The following PTPN3 variants were observed in gnomAD, a reference collection of about 807,000 sequenced individuals.
The protein encoded by PTPN3 is protein tyrosine phosphatase non-receptor type 3, also known as tyrosine-protein phosphatase non-receptor type 3.
A neutral mutation model predicts 132.7 loss-of-function variants in PTPN3; 96 were observed. The ratio of observed to expected loss-of-function variants is 0.72; its 90% CI spans 0.61 to 0.86. PTPN3 has a LOEUF of 0.86. Ranked by LOEUF, PTPN3 falls within the 40% of genes least tolerant of loss-of-function variation. PTPN3 has a pLI of 0.00. For missense variants in PTPN3, 1,125 were observed against 1,159.6 expected, an observed-to-expected ratio of 0.97 and a Z score of 0.43; for synonymous variants, 398 against 429.0, an observed-to-expected ratio of 0.93 and a Z score of 0.89.
At chr9:109,534,779 A>C in the PTPN3 span, among the ~76,000 whole-genome samples, 1 of 151,820 alleles carries the variant, frequency 6.6e-6, no homozygotes, top group Non-Finnish European at 1.5e-5. Context: ...TCCAGCCCGG[A>C]AGACAAGAGC....
intron 17 of PTPN3, among the ~76,000 whole-genome samples, chr9:109,407,134 A>G (rs540545919): frequency 1.9e-4 from 29 of 152,380 alleles, no homozygotes; most frequent in Admixed American, 5.9e-4. Context: ...TTAAATGACA[A>G]GAGCTTAAGG....
At chr9:109,414,318 G>C (rs377741301) in intron 14 of PTPN3, among the ~76,000 whole-genome samples, 7 of 152,208 alleles carry the variant, frequency 4.6e-5, no homozygotes, top group African/African-American at 1.7e-4. Flanking sequence ...AGTATGATTC[G>C]GCAGGCCTGT....
At position 109,399,923 on chromosome 9, in the gene PTPN3, C is replaced by T. The variant is rs1362388498; in HGVS notation, c.1953+4525G>A. ...ACTAGACGACCCAGAGCTCCAAACC[C>T]AGCACAACACAGTTACCTTTTTTTT... On this transcript the variant is annotated intron_variant, in intron 19 of 25. Transcript: ENST00000374541. 2.0e-5 allele frequency among the ~76,000 whole-genome samples: 3 copies of T among 151,674 alleles called. No individual in the cohort carries two copies. The East Asian group carries it at 5.8e-4, about 29-fold the overall frequency.
intron 5 of PTPN3, chr9:109,450,165 T>C (rs941635331): frequency 1.0e-6 from 1 of 984,774 alleles, no homozygotes; most frequent in Non-Finnish European, 1.2e-6. Flanking sequence ...ATTATTACTT[T>C]GATTATAATT....
chr9:109,493,191 C>A (rs976743046), intron 1 of PTPN3, among the ~76,000 whole-genome samples: 4 of 152,092 alleles, frequency 2.6e-5, no homozygotes, highest in African/African-American at 9.7e-5. Flanking sequence ...TCAGTTGAGC[C>A]GAGGAATTCA....
At chr9:109,414,734 G>A (rs1842341027) in intron 14 of PTPN3, among the ~76,000 whole-genome samples, 1 of 152,160 alleles carries the variant, frequency 6.6e-6, no homozygotes, top group African/African-American at 2.4e-5. Context: ...ACACCTCACT[G>A]GCAAGAAAGC....
intron 7 of PTPN3, 43 bp downstream of exon 7, chr9:109,445,197 A>G: frequency 6.3e-7 from 1 of 1,583,204 alleles, no homozygotes; most frequent in Non-Finnish European, 8.7e-7. Context: ...CACACTGATC[A>G]GAACAACCTG....
the PTPN3 span, among the ~76,000 whole-genome samples, chr9:109,511,251 G>A: frequency 1.3e-5 from 2 of 152,120 alleles, no homozygotes; most frequent in African/African-American, 4.8e-5. Flanking sequence ...AGCCATGGAC[G>A]TGCTTAGCAA....
intron 22 of PTPN3, among the ~76,000 whole-genome samples, chr9:109,386,293 G>A (rs933253305): frequency 6.6e-6 from 1 of 152,190 alleles, no homozygotes; most frequent in African/African-American, 2.4e-5. Context: ...TGCCAAAGAA[G>A]GAGAGAGAGC....
intron 2 of PTPN3, 120 bp downstream of exon 2, chr9:109,463,177 C>T: frequency 9.2e-7 from 1 of 1,081,480 alleles, no homozygotes. Flanking sequence ...CATACAAGAT[C>T]TGAGATCTCA....
chr9:109,525,559 A>C, the PTPN3 span, among the ~76,000 whole-genome samples: 1 of 152,192 alleles, frequency 6.6e-6, no homozygotes, highest in African/African-American at 2.4e-5. Context: ...ATTTTAAAAG[A>C]GTCCTCCCAT....
At chr9:109,403,567 T>C (rs1841320580) in intron 19 of PTPN3, among the ~76,000 whole-genome samples, 1 of 152,182 alleles carries the variant, frequency 6.6e-6, no homozygotes, top group African/African-American at 2.4e-5. Context: ...GGGCTGGGTG[T>C]GGTGGCTCAC....
the PTPN3 span, chr9:109,534,234 G>A: frequency 1.4e-6 from 2 of 1,444,636 alleles, no homozygotes; most frequent in Non-Finnish European, 1.9e-6. Context: ...TTCCTGTGCC[G>A]CTGCCCGTAG....
chr9:109,433,469 C>A (rs565271816), intron 9 of PTPN3, among the ~76,000 whole-genome samples: 12 of 152,330 alleles, frequency 7.9e-5, no homozygotes, highest in African/African-American at 2.9e-4. Flanking sequence ...AAATTTTCAA[C>A]AATCAGCACT....
intron 24 of PTPN3, 150 bp from the exon 25 acceptor site, chr9:109,381,937 G>T: frequency 1.1e-6 from 1 of 935,332 alleles, no homozygotes; most frequent in South Asian, 1.6e-5. Context: ...TCTCAAACAG[G>T]CTGAGACAGC....
chr9:109,383,636 G>A (rs1839317147), intron 22 of PTPN3, 85 bp from the exon 23 acceptor site: 7 of 1,534,662 alleles, frequency 4.6e-6, no homozygotes, highest in Admixed American at 1.8e-5. Flanking sequence ...GACGGGTTAG[G>A]CATCCTCTCA....
At chr9:109,536,169 C>G in the PTPN3 span, among the ~76,000 whole-genome samples, 1 of 152,198 alleles carries the variant, frequency 6.6e-6, no homozygotes, top group African/African-American at 2.4e-5. Flanking sequence ...TTTCAAGGTT[C>G]ATCCACATGG....
chr9:109,404,770 C>A (rs763163164), intron 18 of PTPN3, among the ~76,000 whole-genome samples, 162 bp from the exon 19 acceptor site: 18 of 152,180 alleles, frequency 1.2e-4, no homozygotes, highest in Non-Finnish European at 2.6e-4. Flanking sequence ...GATACTACTT[C>A]TAGGTGAATG....
chr9:109,460,450 C>T (rs894676538), intron 2 of PTPN3, among the ~76,000 whole-genome samples: 1 of 152,120 alleles, frequency 6.6e-6, no homozygotes, highest in Admixed American at 6.5e-5. Flanking sequence ...AAAGCCAGTG[C>T]CCTCAGAATG....
Sources: allele counts gnomAD v4.1 joint callset (sites outside exome capture counted in the v4.1 genomes callset), GRCh38; gene constraint gnomAD v4.1.1; transcripts MANE v1.5; gene names NCBI Gene and HGNC (gene_info 2026-07-23, HGNC 2026-07-21).